PPP1R12B: variants seen among roughly 807,000 people sequenced by gnomAD.
PPP1R12B encodes protein phosphatase 1 regulatory subunit 12B.
A neutral mutation model predicts 126.1 loss-of-function variants in PPP1R12B; 76 were observed. The observed-to-expected ratio is 0.60, with a 90% CI of 0.50 to 0.73. The LOEUF is 0.73. Ranked by LOEUF, PPP1R12B falls within the 30% of genes least tolerant of loss-of-function variation. The pLI is 0.00. For synonymous variants in PPP1R12B, 356 were observed against 434.7 expected, an observed-to-expected ratio of 0.82 and a Z score of 2.25; for missense variants, 1,052 against 1,205.1, an observed-to-expected ratio of 0.87 and a Z score of 1.88.
At chr1:202,389,472 G>T (rs138533062) in intron 1 of PPP1R12B, among the ~76,000 whole-genome samples, 15 of 151,614 alleles carry the variant, frequency 9.9e-5, no homozygotes, top group Non-Finnish European at 4.4e-5. Context: ...GTGAAACCCC[G>T]TCTCTACTAA....
In PPP1R12B at chr1:202,565,820, ATACACACATAGCTATAGCCC is replaced by A. The variant is rs1320737268; in HGVS notation, c.2757+1275_2757+1294del. Among the ~76,000 whole-genome samples the A allele has an allele frequency of 6.6e-6, 1 of 152,154 alleles. No individual in the cohort carries two copies. Among genetic ancestry groups the A allele is most frequent in the Non-Finnish European group, 1.5e-5 (1 of 68,034 alleles). ...AGGTTTCTAAATCTAAAAGAGAAAA[ATACACACATAGCTATAGCCC>A]TGCCATAAGGCAGCGGGGTGGACTG... is the stretch of plus-strand genomic sequence containing the variant. On this transcript the variant is annotated intron_variant, in intron 21 of 23. Transcript: ENST00000608999. This position sits in a 1 kb window ranked among gnomAD's most constrained non-coding sequence, Gnocchi z 4.3.
chr1:202,591,284 T>C lies in PPP1R12B; in HGVS notation c.*10724T>C, dbSNP rs1040010. The C allele has an allele frequency of 0.61, 93,544 of 152,774 alleles. 28,955 individuals are homozygous for C. Among genetic ancestry groups the C allele is most frequent in the Admixed American group, 0.71 (10,853 of 15,296 alleles). 9.5% of individuals were successfully genotyped at this position (152,774 alleles called of 1,614,324 possible). A position where few individuals can be genotyped will look rare whatever the true frequency, so the allele number is the denominator to read the frequency against. On this transcript the variant is annotated 3_prime_UTR_variant, in exon 24 of 24. Transcript: ENST00000608999. ...CTCGAATGCGCCCTGCCTGATTCCC[T>C]TCCCGTTCTCTCTCCTTCCTCATAC...
chr1:202,409,114 C>G (rs1463209832), intron 1 of PPP1R12B, among the ~76,000 whole-genome samples: 1 of 152,038 alleles, frequency 6.6e-6, no homozygotes, highest in African/African-American at 2.4e-5. Context: ...GCTAGAATTA[C>G]AGGCATGAGC....
In PPP1R12B at chr1:202,587,701, G is replaced by C. The variant is rs1689903012; in HGVS notation, c.*7141G>C. 1 of 152,012 alleles carries C rather than the reference G, an allele frequency of 6.6e-6. No homozygotes were observed. The highest frequency in any genetic ancestry group is 6.6e-5 in the Admixed American group (1 of 15,250). 9.4% of individuals were successfully genotyped at this position (152,012 alleles called of 1,614,324 possible). On this transcript the variant is annotated 3_prime_UTR_variant, in exon 24 of 24. Coordinates refer to ENST00000608999, the MANE Select transcript of PPP1R12B (RefSeq NM_002481.4). ...TGAGAGTCGGAGTGCCAGTCGTCGG[G>C]GCCCACTATTCCTGAATAAGGGACA...
At chr1:202,356,614 A>G (rs1410750486) in intron 1 of PPP1R12B, among the ~76,000 whole-genome samples, 1 of 152,178 alleles carries the variant, frequency 6.6e-6, no homozygotes, top group Non-Finnish European at 1.5e-5. Flanking sequence ...CATATAAGAC[A>G]GGCAAGAGAG....
intron 22 of PPP1R12B, 27 bp from the exon 23 acceptor site, chr1:202,569,120 T>C (rs1283692713): frequency 1.2e-6 from 2 of 1,609,126 alleles, no homozygotes; most frequent in African/African-American, 2.7e-5. Context: ...TTCAATAATG[T>C]TCAACAGTCT....
intron 22 of PPP1R12B, among the ~76,000 whole-genome samples, chr1:202,568,039 G>A (rs554170302): frequency 6.6e-6 from 1 of 152,252 alleles, no homozygotes; most frequent in Admixed American, 6.5e-5. Context: ...CAGATGGTCA[G>A]TACTTTCCAC....
chr1:202,389,440 C>T (rs1663727468), intron 1 of PPP1R12B, among the ~76,000 whole-genome samples: 1 of 151,242 alleles, frequency 6.6e-6, no homozygotes, highest in African/African-American at 2.4e-5. Context: ...GTCAGGAGAT[C>T]GAGACCATCC....
chr1:202,458,696 A>G (rs1450942765), intron 13 of PPP1R12B, among the ~76,000 whole-genome samples: 1 of 152,228 alleles, frequency 6.6e-6, no homozygotes, highest in Non-Finnish European at 1.5e-5. Flanking sequence ...ATGTTTTGAA[A>G]ACAGCTAAAT....
At chr1:202,503,189 C>T (rs2148877086) in intron 18 of PPP1R12B, among the ~76,000 whole-genome samples, 1 of 152,228 alleles carries the variant, frequency 6.6e-6, no homozygotes, top group Non-Finnish European at 1.5e-5. Context: ...GAGAAGTTGT[C>T]ATATTCAGGA....
At chr1:202,360,953 C>T (rs909202401) in intron 1 of PPP1R12B, among the ~76,000 whole-genome samples, 3 of 149,924 alleles carry the variant, frequency 2.0e-5, no homozygotes, top group Non-Finnish European at 3.0e-5. Context: ...GACAGTGGCG[C>T]GATCTCGGCT....
At chr1:202,555,324 T>TGAAAAAAAAA (rs1686780825) in intron 18 of PPP1R12B, among the ~76,000 whole-genome samples, 1 of 5,010 alleles carries the variant, frequency 2.0e-4, no homozygotes, top group Non-Finnish European at 4.2e-4. Flanking sequence ...CCTGTTTTAA[T>TGAAAAAAAAA]GAAAAAAAAA....
chr1:202,434,864 A>G (rs1670601393), intron 9 of PPP1R12B, 96 bp downstream of exon 9: 1 of 1,533,516 alleles, frequency 6.5e-7, no homozygotes, highest in African/African-American at 1.4e-5. Context: ...GCAAAATAAT[A>G]AAAATACATT....
intron 18 of PPP1R12B, among the ~76,000 whole-genome samples, chr1:202,551,260 T>C: frequency 6.6e-6 from 1 of 152,364 alleles, no homozygotes; most frequent in Middle Eastern, 3.4e-3. Flanking sequence ...GTTCTATATG[T>C]ATTAAGTAGT....
intron 12 of PPP1R12B, among the ~76,000 whole-genome samples, 172 bp downstream of exon 12, chr1:202,442,744 TAATTG>T (rs1209996391): frequency 6.6e-6 from 1 of 152,230 alleles, no homozygotes; most frequent in Non-Finnish European, 1.5e-5. Context: ...ATTATCTTAA[TAATTG>T]AATTAAAGTA....
chr1:202,479,181 GAC>G (rs1677043851), intron 13 of PPP1R12B, among the ~76,000 whole-genome samples: 2 of 152,066 alleles, frequency 1.3e-5, no homozygotes, highest in Non-Finnish European at 1.5e-5. Flanking sequence ...ATAGCATATT[GAC>G]ACACGTATTG....
At chr1:202,485,361 A>G (rs1448356380) in intron 13 of PPP1R12B, among the ~76,000 whole-genome samples, 2 of 137,108 alleles carry the variant, frequency 1.5e-5, no homozygotes, top group African/African-American at 5.4e-5. Context: ...ACATTCTAGT[A>G]GTAGGTTCAG....
intron 18 of PPP1R12B, among the ~76,000 whole-genome samples, chr1:202,507,730 T>C (rs181151502): frequency 2.0e-5 from 3 of 152,250 alleles, no homozygotes; most frequent in Non-Finnish European, 2.9e-5. Flanking sequence ...AACTCTTTTA[T>C]CAAAGTAGTC....
At chr1:202,560,228 A>C (rs960483360) in intron 19 of PPP1R12B, among the ~76,000 whole-genome samples, 3 of 152,186 alleles carry the variant, frequency 2.0e-5, no homozygotes, top group South Asian at 2.1e-4. Flanking sequence ...ATATAGGAAA[A>C]GCCTTTCCAA....
Sources: allele counts gnomAD v4.1 joint callset (sites outside exome capture counted in the v4.1 genomes callset), GRCh38; gene constraint gnomAD v4.1.1; non-coding constraint Gnocchi (gnomAD v3.1); transcripts MANE v1.5; gene names NCBI Gene and HGNC (gene_info 2026-07-23, HGNC 2026-07-21).